TXNRD1: variants seen among roughly 807,000 people sequenced by gnomAD.
The protein encoded by TXNRD1 is thioredoxin reductase 1, cytoplasmic.
A neutral mutation model predicts 80.3 loss-of-function variants in TXNRD1; 57 were observed. That is an observed-to-expected ratio of 0.71 (90% confidence interval 0.57 to 0.89). TXNRD1 has a LOEUF of 0.89. Ranked by LOEUF, TXNRD1 falls within the 40% of genes least tolerant of loss-of-function variation. The pLI is 0.00. For missense variants in TXNRD1, 730 were observed against 803.0 expected, an observed-to-expected ratio of 0.91 and a Z score of 1.10; for synonymous variants, 291 against 285.2, an observed-to-expected ratio of 1.02 and a Z score of -0.20.
rs140170275 is a variant in TXNRD1 at position 104,326,936 on chromosome 12, A to C, written c.1385+513A>C. The stretch of plus-strand genomic sequence containing the variant: ...CTGCCACCTCTGCTTCCTGTGTTCA[A>C]GTGATTCTTGTGCCTCAGCCTCCCT... On this transcript the variant is annotated intron_variant, in intron 12 of 16. Transcript: ENST00000525566. Among the ~76,000 whole-genome samples, 105 of 152,132 alleles carry C rather than the reference A, an allele frequency of 6.9e-4. 1 individual carries two copies. The East Asian group carries it at 0.012, about 17-fold the overall frequency.
At chr12:104,297,308 AAAAAAAAAAAAAAAGT>A (rs1278653547) in intron 4 of TXNRD1, among the ~76,000 whole-genome samples, 3 of 149,832 alleles carry the variant, frequency 2.0e-5, no homozygotes, top group African/African-American at 7.3e-5. Context: ...TCCATCTCAA[AAAAAAAAAAAAAAAGT>A]AATATACAAA....
chr12:104,260,851 G>A (rs2033351299), intron 3 of TXNRD1, among the ~76,000 whole-genome samples: 1 of 152,168 alleles, frequency 6.6e-6, no homozygotes, highest in African/African-American at 2.4e-5. Flanking sequence ...TAAAGCAAAT[G>A]AACATGTCCT....
At chr12:104,243,955 C>T (rs1242498845) in intron 1 of TXNRD1, among the ~76,000 whole-genome samples, 1 of 152,172 alleles carries the variant, frequency 6.6e-6, no homozygotes, top group Non-Finnish European at 1.5e-5. Context: ...GGGGATAACT[C>T]AAAATAGGAC....
chr12:104,262,836 C>T (rs542966706), intron 3 of TXNRD1, among the ~76,000 whole-genome samples: 2 of 151,314 alleles, frequency 1.3e-5, no homozygotes, highest in South Asian at 4.2e-4. Flanking sequence ...GAGTTGAGGG[C>T]CTGTGTACTG....
At chr12:104,247,270 G>A (rs1330121680) in intron 1 of TXNRD1, among the ~76,000 whole-genome samples, 4 of 151,978 alleles carry the variant, frequency 2.6e-5, no homozygotes, top group Non-Finnish European at 5.9e-5. Context: ...GTTTCACCAT[G>A]TTGGCCAGGG....
At chr12:104,314,348 G>A (rs1465052961) in intron 6 of TXNRD1, among the ~76,000 whole-genome samples, 1 of 152,218 alleles carries the variant, frequency 6.6e-6, no homozygotes, top group East Asian at 1.9e-4. Flanking sequence ...GAACCAAGAA[G>A]CAGGAAGTCC....
chr12:104,303,685 C>G, intron 4 of TXNRD1: 1 of 550,850 alleles, frequency 1.8e-6, no homozygotes, highest in South Asian at 2.7e-5. Context: ...GCGGGGCTGT[C>G]TTCCCGCGGA....
chr12:104,239,257 G>A (rs28798693), intron 1 of TXNRD1, among the ~76,000 whole-genome samples: 27,741 of 150,362 alleles, frequency 0.18, 2,802 homozygotes, highest in African/African-American at 0.28. Context: ...ACAATGGCGC[G>A]ATCTCGGCTC....
intron 4 of TXNRD1, chr12:104,291,231 C>G (rs188846441): frequency 4.6e-6 from 2 of 439,490 alleles, no homozygotes; most frequent in East Asian, 7.9e-5. Flanking sequence ...GACAAAGTCT[C>G]GCTCTGTTGC....
At chr12:104,287,174 C>A in intron 3 of TXNRD1, 2 of 1,572,206 alleles carry the variant, frequency 1.3e-6, no homozygotes, top group Non-Finnish European at 1.7e-6. Flanking sequence ...ACGCGGGGGA[C>A]GGCCTGCCGG....
chr12:104,292,475 A>G (rs2034258930), intron 4 of TXNRD1, among the ~76,000 whole-genome samples: 1 of 147,084 alleles, frequency 6.8e-6, no homozygotes, highest in African/African-American at 2.5e-5. Flanking sequence ...TGCAACCTCC[A>G]CCTCCTGGGT....
At chr12:104,224,271 A>G (rs2032421506) in intron 1 of TXNRD1, among the ~76,000 whole-genome samples, 1 of 152,102 alleles carries the variant, frequency 6.6e-6, no homozygotes, top group Non-Finnish European at 1.5e-5. Flanking sequence ...CCCCAAGTAG[A>G]GATAGTTTTG....
chr12:104,229,749 C>T (rs1216324713), intron 1 of TXNRD1, among the ~76,000 whole-genome samples: 3 of 151,756 alleles, frequency 2.0e-5, no homozygotes, highest in East Asian at 2.0e-4. Context: ...CACGCTACCA[C>T]GCCTGGCTAA....
chr12:104,255,003 G>A (rs2033218609), intron 2 of TXNRD1, among the ~76,000 whole-genome samples: 1 of 151,984 alleles, frequency 6.6e-6, no homozygotes, highest in South Asian at 2.1e-4. Flanking sequence ...TACTCAGGAG[G>A]CACAGGCATG....
intron 1 of TXNRD1, among the ~76,000 whole-genome samples, chr12:104,221,131 G>A (rs12322245): frequency 0.075 from 11,475 of 152,032 alleles, 545 homozygotes; most frequent in Middle Eastern, 0.17. Flanking sequence ...GCATGGTGGC[G>A]TGCGCCTGTT....
At chr12:104,314,506 C>CAG (rs1297929319) in intron 6 of TXNRD1, among the ~76,000 whole-genome samples, 1 of 152,126 alleles carries the variant, frequency 6.6e-6, no homozygotes, top group Non-Finnish European at 1.5e-5. Flanking sequence ...GTATTCTACT[C>CAG]AGAGGACTTA....
intron 3 of TXNRD1, among the ~76,000 whole-genome samples, chr12:104,277,249 AAT>A (rs1555210389): frequency 4.0e-5 from 6 of 150,974 alleles, no homozygotes; most frequent in Non-Finnish European, 7.4e-5. Context: ...AAAAAAAAAA[AAT>A]TAGCTGGGTG....
At chr12:104,294,233 G>GGCGCCCCCCCCCC (rs60817773) in intron 4 of TXNRD1, among the ~76,000 whole-genome samples, 1 of 68,912 alleles carries the variant, frequency 1.5e-5, no homozygotes, top group South Asian at 7.7e-4. Flanking sequence ...CCGGGGAAAG[G>GGCGCCCCCCCCCC]CCCCCCCCCC....
At chr12:104,285,291 C>G (rs2033946855) in intron 3 of TXNRD1, among the ~76,000 whole-genome samples, 1 of 152,140 alleles carries the variant, frequency 6.6e-6, no homozygotes, top group Non-Finnish European at 1.5e-5. Flanking sequence ...AGTTTTTCCT[C>G]TAGAATTCAC....
Sources: allele counts gnomAD v4.1 joint callset (sites outside exome capture counted in the v4.1 genomes callset), GRCh38; gene constraint gnomAD v4.1.1; transcripts MANE v1.5; gene names NCBI Gene and HGNC (gene_info 2026-07-23, HGNC 2026-07-21).